EIPR1: variants seen among roughly 807,000 people sequenced by gnomAD.
EIPR1 encodes the protein EARP and GARP complex-interacting protein 1.
EIPR1 carries 25 observed loss-of-function variants against 48.1 expected under a neutral mutation model. That is an observed-to-expected ratio of 0.52 (90% confidence interval 0.38 to 0.73). The LOEUF is 0.73. Among genes scored for constraint, EIPR1 ranks in the 30% least tolerant of loss-of-function variants. EIPR1 has a pLI of 0.00. For synonymous variants in EIPR1, 204 were observed against 201.9 expected, an observed-to-expected ratio of 1.01 and a Z score of -0.09; for missense variants, 415 against 506.2, an observed-to-expected ratio of 0.82 and a Z score of 1.73.
At chr2:3,374,541 C>T (rs1164168939) in intron 1 of EIPR1, among the ~76,000 whole-genome samples, 2 of 152,048 alleles carry the variant, frequency 1.3e-5, no homozygotes, top group African/African-American at 4.8e-5. Context: ...AAGAAAAAAA[C>T]AAAAAACCCC....
chr2:3,213,582 C>T lies in EIPR1; in HGVS notation c.516+567G>A, dbSNP rs182555266. Among the ~76,000 whole-genome samples, 1,000 of 152,312 alleles carry T rather than the reference C, an allele frequency of 6.6e-3. 8 individuals carry two copies. Among genetic ancestry groups the T allele is most frequent in the Non-Finnish European group, 9.2e-3 (628 of 68,032 alleles). ...GAATCCATTCGTCAAAAGGACAGCA[C>T]GCTTGAAACGGTAGAAAATACTCCT... On this transcript the variant is annotated intron_variant, in intron 5 of 8. Transcript: ENST00000382125.
At chr2:3,350,151 G>C (rs1311868457) in intron 2 of EIPR1, among the ~76,000 whole-genome samples, 2 of 135,784 alleles carry the variant, frequency 1.5e-5, no homozygotes, top group Admixed American at 7.5e-5. Flanking sequence ...AAAACTACCT[G>C]ATACTGGGTA....
chr2:3,209,860 C>T (rs912723858), intron 5 of EIPR1, among the ~76,000 whole-genome samples: 3 of 152,036 alleles, frequency 2.0e-5, no homozygotes, highest in Non-Finnish European at 2.9e-5. Flanking sequence ...TTGCCAGGGG[C>T]TTGGAGAGAG....
chr2:3,208,765 G>A (rs1035149534), intron 5 of EIPR1: 13 of 1,548,052 alleles, frequency 8.4e-6, no homozygotes, highest in East Asian at 7.3e-5. Context: ...GGCCCGTGGC[G>A]AGTCCTTCTT....
intron 2 of EIPR1, among the ~76,000 whole-genome samples, chr2:3,343,548 A>T (rs34143084): frequency 0.067 from 10,222 of 152,326 alleles, 360 homozygotes; most frequent in African/African-American, 0.077. Flanking sequence ...TTTATGATAA[A>T]GATCAAACTC....
At chr2:3,287,676 C>T (rs1220486738) in intron 3 of EIPR1, among the ~76,000 whole-genome samples, 4 of 151,128 alleles carry the variant, frequency 2.6e-5, no homozygotes, top group African/African-American at 4.9e-5. Flanking sequence ...CCGGAAAGCG[C>T]GTTCACCACG....
chr2:3,242,439 G>C (rs1012055274), intron 4 of EIPR1, among the ~76,000 whole-genome samples: 2 of 149,156 alleles, frequency 1.3e-5, no homozygotes, highest in East Asian at 4.0e-4. Flanking sequence ...TCGATGGCTG[G>C]AAGACAGAGA....
At chr2:3,274,771 C>A in intron 3 of EIPR1, among the ~76,000 whole-genome samples, 1 of 151,604 alleles carries the variant, frequency 6.6e-6, no homozygotes, top group African/African-American at 2.4e-5. Context: ...AAATACTGGC[C>A]AACAAAGTAT....
intron 4 of EIPR1, among the ~76,000 whole-genome samples, chr2:3,250,294 G>C (rs567971961): frequency 6.6e-6 from 1 of 152,380 alleles, no homozygotes; most frequent in South Asian, 2.1e-4. Context: ...CATGGAGTCA[G>C]TGTTGGAGCT....
At chr2:3,247,359 G>A (rs1239893334) in intron 4 of EIPR1, among the ~76,000 whole-genome samples, 1 of 152,132 alleles carries the variant, frequency 6.6e-6, no homozygotes, top group Non-Finnish European at 1.5e-5. Flanking sequence ...TGAACAGCTG[G>A]AGAGCCTCTT....
intron 2 of EIPR1, among the ~76,000 whole-genome samples, chr2:3,345,998 T>G (rs189149472): frequency 6.6e-6 from 1 of 152,306 alleles, no homozygotes; most frequent in East Asian, 1.9e-4. Context: ...AAGGAAACCC[T>G]TATGAAACAG....
chr2:3,336,857 AGGG>A lies in EIPR1; in HGVS notation c.259+1157_259+1159del, dbSNP rs1293320489. 1.2e-4 allele frequency among the ~76,000 whole-genome samples: 16 copies of A among 137,262 alleles called. 2 individuals are homozygous for A. Among genetic ancestry groups the A allele is most frequent in the Non-Finnish European group, 2.2e-4 (14 of 63,194 alleles). 90.0% of individuals were successfully genotyped at this position (137,262 alleles called of 152,430 possible). The stretch of plus-strand genomic sequence containing the variant: ...GGAAGGGAAAGGAAGGGAAAAGGGA[AGGG>A]AAGGGAAAAGGGAAGGGAAGGGAAA... On this transcript the variant is annotated intron_variant, in intron 3 of 8. Coordinates refer to ENST00000382125, the MANE Select transcript of EIPR1 (RefSeq NM_003310.5).
rs1184154959 is a variant in EIPR1, at chr2:3,189,580, G to T, written c.990-72C>A. 7.1e-7 allele frequency: 1 copy of T among 1,400,776 alleles called. No homozygotes were observed. The highest frequency in any genetic ancestry group is 1.4e-5 in the African/African-American group (1 of 70,194). 86.8% of individuals were successfully genotyped at this position (1,400,776 alleles called of 1,614,324 possible). On this transcript the variant is annotated intron_variant, in intron 8 of 8. Coordinates refer to ENST00000382125, the MANE Select transcript of EIPR1 (RefSeq NM_003310.5). This position sits in a 1 kb window ranked among gnomAD's most constrained non-coding sequence, Gnocchi z 4.6. Reference sequence around the variant, plus strand: ...CGGGCAGGAGAGGGGCAGGGAGGACGCGAGCGCTGACATCGGGAGACACGG... The same window carrying T: ...CGGGCAGGAGAGGGGCAGGGAGGACTCGAGCGCTGACATCGGGAGACACGG...
intron 4 of EIPR1, among the ~76,000 whole-genome samples, chr2:3,227,165 A>T (rs1022831099): frequency 8.0e-6 from 1 of 124,558 alleles, no homozygotes; most frequent in Non-Finnish European, 1.8e-5. Flanking sequence ...CTCAGAAGAC[A>T]GGAAAATGTG....
intron 4 of EIPR1, among the ~76,000 whole-genome samples, chr2:3,256,644 T>G (rs1423770840): frequency 1.3e-5 from 2 of 152,236 alleles, no homozygotes; most frequent in African/African-American, 4.8e-5. Flanking sequence ...TTGTAAACAC[T>G]CATAACAACA....
intron 5 of EIPR1, among the ~76,000 whole-genome samples, chr2:3,201,160 G>A (rs535093923): frequency 4.6e-5 from 7 of 152,174 alleles, no homozygotes; most frequent in East Asian, 1.9e-4. Context: ...CTCTCACTCC[G>A]GCCTGGCTCC....
rs139173795 is a variant in EIPR1, at chr2:3,218,765, C to A, written c.417-4517G>T. 2.1e-3 allele frequency among the ~76,000 whole-genome samples: 288 copies of A among 140,462 alleles called. 4 individuals carry two copies. In the East Asian group the frequency reaches 0.042, roughly 20 times the overall value. The allele number at this position is 140,462 out of a possible 152,430, so 92.1% of individuals were successfully genotyped here. On this transcript the variant is annotated intron_variant, in intron 4 of 8. Coordinates refer to ENST00000382125, the MANE Select transcript of EIPR1 (RefSeq NM_003310.5). ...GTGCACACTCAACACGACCCTGATA[C>A]ACTCTAGAGCGTTCACAGTGACCCA... is the stretch of plus-strand genomic sequence containing the variant.
rs114212491 is a variant in EIPR1 at position 3,286,659 on chromosome 2, G to A, written c.260-29204C>T. Reference sequence around the variant, plus strand: ...GTCCAGAGTGCCCCGCAGAGCACCCGAGACAGCGGCTGGCAGAGCACAGGC... The same window carrying A: ...GTCCAGAGTGCCCCGCAGAGCACCCAAGACAGCGGCTGGCAGAGCACAGGC... On this transcript the variant is annotated intron_variant, in intron 3 of 8. Transcript: ENST00000382125. This position sits in a 1 kb window ranked among gnomAD's most constrained non-coding sequence, Gnocchi z 4.2. Among the ~76,000 whole-genome samples, 799 of 152,368 alleles carry A rather than the reference G, an allele frequency of 5.2e-3. 9 individuals are homozygous for A. The highest frequency in any genetic ancestry group is 0.018 in the African/African-American group (760 of 41,592).
At chr2:3,230,798 T>C (rs1055042114) in intron 4 of EIPR1, among the ~76,000 whole-genome samples, 16 of 152,236 alleles carry the variant, frequency 1.1e-4, no homozygotes, top group African/African-American at 3.1e-4. Context: ...TCTTGGGCTT[T>C]GTTCTTCTTT....
Sources: allele counts gnomAD v4.1 joint callset (sites outside exome capture counted in the v4.1 genomes callset), GRCh38; gene constraint gnomAD v4.1.1; non-coding constraint Gnocchi (gnomAD v3.1); transcripts MANE v1.5; gene names NCBI Gene and HGNC (gene_info 2026-07-23, HGNC 2026-07-21).